The following HSF1 variants were observed in gnomAD, a reference collection of about 807,000 sequenced individuals.
HSF1 encodes heat shock factor protein 1.
Under a neutral mutation model 51.7 loss-of-function variants are expected in HSF1, and 32 were observed. That is an observed-to-expected ratio of 0.62 (90% CI 0.47 to 0.83). The LOEUF (loss-of-function observed/expected upper bound fraction) is 0.83, where lower values mean the gene tolerates loss of function less well. HSF1 is among the 40% of genes least tolerant of loss of function. The pLI is 0.00. For missense variants in HSF1, 727 were observed against 717.0 expected, an observed-to-expected ratio of 1.01 and a Z score of -0.16; for synonymous variants, 396 against 309.7, an observed-to-expected ratio of 1.28 and a Z score of -2.92.
At position 144,293,452 on chromosome 8, in the gene HSF1, T is replaced by C. The variant is rs546083671; in HGVS notation, c.117+1578T>C. ...TCCGTCTTTTTCTTTTTTCTTTTTT[T>C]TTTTTTTAGACCGAGTCTTGCTCTG... On this transcript the variant is annotated intron_variant, in intron 1 of 12. Coordinates refer to ENST00000528838, the MANE Select transcript of HSF1 (RefSeq NM_005526.4). 3 of 151,828 alleles carry C rather than the reference T, an allele frequency of 2.0e-5. 1 individual carries two copies. Among genetic ancestry groups the C allele is most frequent in the South Asian group, 4.2e-4 (2 of 4,812 alleles). 9.4% of individuals were successfully genotyped at this position (151,828 alleles called of 1,614,324 possible).
At chr8:144,300,210 C>CCCT (rs1554841998) in intron 1 of HSF1, among the ~76,000 whole-genome samples, 1 of 117,604 alleles carries the variant, frequency 8.5e-6, no homozygotes, top group African/African-American at 3.4e-5. Flanking sequence ...CTGTTGTGTA[C>CCCT]TCTTTTTTTT....
At chr8:144,295,642 C>G (rs1422679534) in intron 1 of HSF1, among the ~76,000 whole-genome samples, 3 of 152,008 alleles carry the variant, frequency 2.0e-5, no homozygotes, top group Non-Finnish European at 2.9e-5. Context: ...CAGCCTCTGC[C>G]TCCCAGGCTC....
At chr8:144,292,514 G>A (rs1178489300) in intron 1 of HSF1, 1 of 152,260 alleles carries the variant, frequency 6.6e-6, no homozygotes, top group Non-Finnish European at 1.5e-5. Flanking sequence ...TACATGGTCC[G>A]ACCCTGCAAG....
At chr8:144,292,953 TAAGAAAAAA>T (rs35436041) in intron 1 of HSF1, among the ~76,000 whole-genome samples, 78,760 of 150,584 alleles carry the variant, frequency 0.52, 20,873 homozygotes, top group South Asian at 0.66. Flanking sequence ...AGACCCTGTC[TAAGAAAAAA>T]AAGAAAAAAA....
rs187217960 is a variant in HSF1 at position 144,301,992 on chromosome 8, C to T, written c.118-6914C>T. 1.6e-3 allele frequency among the ~76,000 whole-genome samples: 249 copies of T among 150,944 alleles called. 2 individuals carry two copies. Among genetic ancestry groups the T allele is most frequent in the Middle Eastern group, 0.014 (4 of 294 alleles). On this transcript the variant is annotated intron_variant, in intron 1 of 12. Transcript: ENST00000528838. ...CATAGCTTGGCCAACATGGTGAAAC[C>T]TTGTCTCTACTAAAAATACAAAAAC...
intron 9 of HSF1, 82 bp downstream of exon 9, chr8:144,312,326 T>TG: frequency 9.4e-7 from 1 of 1,067,040 alleles, no homozygotes; most frequent in East Asian, 2.6e-5. Context: ...CCCAGTGGAC[T>TG]GAGCAGGGCA....
chr8:144,306,129 TGATAA>T (rs1174452536), intron 1 of HSF1, among the ~76,000 whole-genome samples: 4 of 152,244 alleles, frequency 2.6e-5, no homozygotes, highest in Non-Finnish European at 4.4e-5. Context: ...TGATACTCTC[TGATAA>T]GATGTCATTC....
At chr8:144,300,900 G>T (rs1815819861) in intron 1 of HSF1, among the ~76,000 whole-genome samples, 1 of 152,222 alleles carries the variant, frequency 6.6e-6, no homozygotes, top group Non-Finnish European at 1.5e-5. Flanking sequence ...TGTAGGGCAT[G>T]TATTCTAAAG....
chr8:144,307,082 G>A (rs1018149766), intron 1 of HSF1, among the ~76,000 whole-genome samples: 1 of 152,218 alleles, frequency 6.6e-6, no homozygotes, highest in Admixed American at 6.5e-5. Context: ...CGGCTCACAC[G>A]TGTACACGGC....
chr8:144,296,478 A>G (rs1554841300), intron 1 of HSF1, among the ~76,000 whole-genome samples: 1 of 152,180 alleles, frequency 6.6e-6, no homozygotes, highest in African/African-American at 2.4e-5. Context: ...CCCGGACCAT[A>G]GTGCCTCCTG....
chr8:144,308,320 G>A (rs1237237513), intron 1 of HSF1, among the ~76,000 whole-genome samples: 1 of 152,236 alleles, frequency 6.6e-6, no homozygotes, highest in Non-Finnish European at 1.5e-5. Context: ...ATAGCTCTGG[G>A]CCTGAGCTCG....
chr8:144,306,012 G>T (rs926306208), intron 1 of HSF1, among the ~76,000 whole-genome samples: 4 of 152,170 alleles, frequency 2.6e-5, no homozygotes, highest in East Asian at 1.9e-4. Context: ...GATTACAGGC[G>T]TGAGCCACCG....
Position 144,314,066 on chromosome 8 carries a change from C to T in HSF1, c.1384+12C>T. ...CAGCCCGGATTCAGGTGAGCCAAGTCCCACCGGCCCCACCTCTGCCCCCAA... is the reference window on the plus strand; with the variant it reads ...CAGCCCGGATTCAGGTGAGCCAAGTTCCACCGGCCCCACCTCTGCCCCCAA... On this transcript the variant is annotated intron_variant, in intron 12 of 12. Transcript: ENST00000528838. 6.2e-7 allele frequency: 1 copy of T among 1,604,834 alleles called. No homozygotes were observed. The highest frequency in any genetic ancestry group is 1.1e-5 in the South Asian group (1 of 90,508).
At position 144,291,617 on chromosome 8, in the gene HSF1, C is replaced by A; in HGVS notation, c.-141C>A. On this transcript the variant is annotated 5_prime_UTR_variant, in exon 1 of 13. Transcript: ENST00000528838. This position sits in a 1 kb window ranked among gnomAD's most constrained non-coding sequence, Gnocchi z 4.1. ...CGGGAGCGCGCCCGTTGCAAGATGG[C>A]GGCGGCCATGCTGGGCCCCGGGGCT... is the stretch of plus-strand genomic sequence containing the variant. 1 of 359,788 alleles carries A rather than the reference C, an allele frequency of 2.8e-6. No individual in the cohort carries two copies. Among genetic ancestry groups the A allele is most frequent in the Non-Finnish European group, 4.5e-6 (1 of 223,488 alleles). 22.3% of individuals were successfully genotyped at this position (359,788 alleles called of 1,614,324 possible).
chr8:144,310,382 G>C (rs782243148), intron 4 of HSF1: 3 of 154,790 alleles, frequency 1.9e-5, no homozygotes, highest in Non-Finnish European at 4.3e-5. Flanking sequence ...CCTAACACAC[G>C]GTGGCACCTG....
chr8:144,309,691 G>T (rs572835354), intron 3 of HSF1, 81 bp from the exon 4 acceptor site: 1 of 1,597,952 alleles, frequency 6.3e-7, no homozygotes, highest in Non-Finnish European at 8.5e-7. Flanking sequence ...CCTTCCTGAG[G>T]GACCTGGCTG....
intron 1 of HSF1, among the ~76,000 whole-genome samples, chr8:144,303,167 A>T (rs1401734478): frequency 6.6e-6 from 1 of 151,834 alleles, no homozygotes; most frequent in Non-Finnish European, 1.5e-5. Flanking sequence ...CTCTTCTATC[A>T]TTTTTTTGGT....
At chr8:144,293,410 GT>G (rs1815239986) in intron 1 of HSF1, 1 of 150,216 alleles carries the variant, frequency 6.7e-6, no homozygotes, top group Non-Finnish European at 1.5e-5. Flanking sequence ...ATACTCCCAT[GT>G]TTCTGTCTTC....
At position 144,308,842 on chromosome 8, in the gene HSF1, G is replaced by T. The variant is rs559791682; in HGVS notation, c.118-64G>T. The T allele has an allele frequency of 6.8e-5, 89 of 1,315,654 alleles. No individual in the cohort carries two copies. In the African/African-American group the frequency reaches 1.0e-3, roughly 15 times the overall value. The allele number at this position is 1,315,654 out of a possible 1,614,324, so 81.5% of individuals were successfully genotyped here. A position where few individuals can be genotyped will look rare whatever the true frequency, so the allele number is the denominator to read the frequency against. On this transcript the variant is annotated intron_variant, in intron 1 of 12. Transcript: ENST00000528838. ...GTTTCAGAAGGGGCGGCCTGGGGAA[G>T]GGGCGGCTTGGGCACGCTGCCCCTC...
Sources: allele counts gnomAD v4.1 joint callset (sites outside exome capture counted in the v4.1 genomes callset), GRCh38; gene constraint gnomAD v4.1.1; non-coding constraint Gnocchi (gnomAD v3.1); transcripts MANE v1.5; gene names NCBI Gene and HGNC (gene_info 2026-07-23, HGNC 2026-07-21).